CDH13: variants seen among roughly 807,000 people sequenced by gnomAD.
CDH13 encodes the protein cadherin-13.
A neutral mutation model predicts 63.8 loss-of-function variants in CDH13; 24 were observed. The observed-to-expected ratio is 0.38, with a 90% CI of 0.27 to 0.53. The LOEUF (loss-of-function observed/expected upper bound fraction) is 0.53, where lower values mean the gene tolerates loss of function less well. CDH13 is among the 20% of genes least tolerant of loss of function. The pLI is 0.85. For synonymous variants in CDH13, 503 were observed against 355.3 expected (o/e 1.42, Z -4.67); for missense variants, 1,049 against 903.1 (o/e 1.16, Z -2.07).
At chr16:82,860,703 G>T (rs1185434432) in intron 2 of CDH13, among the ~76,000 whole-genome samples, 2 of 151,928 alleles carry the variant, frequency 1.3e-5, no homozygotes, top group African/African-American at 4.8e-5. Flanking sequence ...TCAAAGCAAT[G>T]AACATATTAT....
intron 2 of CDH13, among the ~76,000 whole-genome samples, chr16:82,945,210 G>A (rs573304172): frequency 2.4e-4 from 36 of 152,366 alleles, no homozygotes; most frequent in African/African-American, 8.7e-4. Context: ...TGTGGGCCAT[G>A]AAGTTTCTGT....
intron 4 of CDH13, among the ~76,000 whole-genome samples, chr16:83,166,142 G>T (rs2037656856): frequency 6.6e-6 from 1 of 152,122 alleles, no homozygotes; most frequent in African/African-American, 2.4e-5. Flanking sequence ...AGTAGTTTGG[G>T]CAAGAAAGGG....
chr16:83,235,628 A>C (rs370661111), intron 5 of CDH13, among the ~76,000 whole-genome samples: 1 of 133,714 alleles, frequency 7.5e-6, no homozygotes, highest in African/African-American at 2.8e-5. Context: ...CTATTTCCTT[A>C]CTCCTGAGGG....
intron 3 of CDH13, among the ~76,000 whole-genome samples, chr16:83,110,450 A>G (rs76397239): frequency 9.9e-5 from 15 of 152,276 alleles, no homozygotes; most frequent in African/African-American, 3.6e-4. Flanking sequence ...GCACTGGGGA[A>G]AGTTCCCGAA....
chr16:83,035,421 C>T (rs574103496), intron 3 of CDH13, among the ~76,000 whole-genome samples: 2 of 152,280 alleles, frequency 1.3e-5, no homozygotes, highest in African/African-American at 4.8e-5. Flanking sequence ...GGTGTTGCTC[C>T]ATGGGCTACA....
At chr16:83,329,155 G>A (rs2090430315) in intron 5 of CDH13, among the ~76,000 whole-genome samples, 2 of 152,168 alleles carry the variant, frequency 1.3e-5, no homozygotes, top group Non-Finnish European at 2.9e-5. Context: ...AAATGCTTGT[G>A]GTTGAATTTC....
At chr16:82,744,666 CAGCTA>C (rs1257248792) in intron 1 of CDH13, among the ~76,000 whole-genome samples, 1 of 152,136 alleles carries the variant, frequency 6.6e-6, no homozygotes, top group Non-Finnish European at 1.5e-5. Flanking sequence ...ATAAAAATCA[CAGCTA>C]AGCTGTGACT....
At chr16:82,915,043 C>G (rs1285682342) in intron 2 of CDH13, among the ~76,000 whole-genome samples, 5 of 152,168 alleles carry the variant, frequency 3.3e-5, no homozygotes, top group Admixed American at 2.6e-4. Flanking sequence ...TCACTGAATC[C>G]TAATCAACTT....
intron 6 of CDH13, among the ~76,000 whole-genome samples, chr16:83,470,640 T>C (rs2073429688): frequency 6.6e-6 from 1 of 152,110 alleles, no homozygotes; most frequent in Non-Finnish European, 1.5e-5. Flanking sequence ...ATCTGATTCT[T>C]CTACCCCTTC....
chr16:83,014,768 A>ATTTG (rs1181800681), intron 2 of CDH13, among the ~76,000 whole-genome samples: 4 of 44,844 alleles, frequency 8.9e-5, no homozygotes, highest in African/African-American at 2.9e-4. Flanking sequence ...ATATATATAT[A>ATTTG]TATATATGTA....
At chr16:83,025,604 A>G (rs548294156) in intron 2 of CDH13, among the ~76,000 whole-genome samples, 1 of 152,272 alleles carries the variant, frequency 6.6e-6, no homozygotes, top group Non-Finnish European at 1.5e-5. Flanking sequence ...ACAATTCAAG[A>G]TGAGATTTTG....
intron 6 of CDH13, among the ~76,000 whole-genome samples, chr16:83,434,156 C>A (rs527287729): frequency 6.6e-6 from 1 of 152,144 alleles, no homozygotes; most frequent in Admixed American, 6.5e-5. Context: ...AGCTGAGGTA[C>A]CACCTTGCCG....
intron 2 of CDH13, among the ~76,000 whole-genome samples, chr16:82,963,559 GT>G (rs1266221956): frequency 1.3e-5 from 2 of 151,994 alleles, no homozygotes; most frequent in Non-Finnish European, 2.9e-5. Context: ...CCCATAGTCT[GT>G]CTTCCCCTTA....
chr16:82,672,252 T>G (rs1378362690), intron 1 of CDH13, among the ~76,000 whole-genome samples: 1 of 152,082 alleles, frequency 6.6e-6, no homozygotes, highest in African/African-American at 2.4e-5. Context: ...ATTATAAGAG[T>G]CAACTGATAT....
chr16:83,285,990 G>A (rs778792394), intron 5 of CDH13, among the ~76,000 whole-genome samples: 1 of 152,126 alleles, frequency 6.6e-6, no homozygotes, highest in Non-Finnish European at 1.5e-5. Flanking sequence ...TCTGTTCCAG[G>A]TTTCAGAGGA....
chr16:83,601,812 G>T (rs1166095556), intron 7 of CDH13, among the ~76,000 whole-genome samples: 1 of 151,980 alleles, frequency 6.6e-6, no homozygotes, highest in Non-Finnish European at 1.5e-5. Flanking sequence ...GACAACGTAG[G>T]GGCCGGGCGT....
At chr16:83,327,446 G>A (rs1027926842) in intron 5 of CDH13, among the ~76,000 whole-genome samples, 4 of 152,128 alleles carry the variant, frequency 2.6e-5, no homozygotes, top group African/African-American at 7.2e-5. Context: ...CCAGAAAAAA[G>A]GGACTTCTTT....
At chr16:82,677,268 T>A (rs1275156127) in intron 1 of CDH13, among the ~76,000 whole-genome samples, 2 of 152,198 alleles carry the variant, frequency 1.3e-5, no homozygotes, top group Admixed American at 1.3e-4. Flanking sequence ...TATTGCCACT[T>A]CTTTGGGAAA....
intron 1 of CDH13, among the ~76,000 whole-genome samples, chr16:82,729,171 C>T (rs559621673): frequency 1.3e-5 from 2 of 152,284 alleles, no homozygotes; most frequent in African/African-American, 4.8e-5. Context: ...TTCCAAACTC[C>T]TTTTAATGTT....
Sources: gnomAD v4.1 joint callset for allele counts (sites outside exome capture counted in the v4.1 genomes callset) on GRCh38, gnomAD v4.1.1 for gene constraint, MANE v1.5 for transcripts, NCBI Gene and HGNC (gene_info 2026-07-23, HGNC 2026-07-21) for gene names.